The following PAPPA variants were observed in gnomAD, a reference collection of about 807,000 sequenced individuals.
The protein encoded by PAPPA is pappalysin 1.
PAPPA carries 60 observed loss-of-function variants against 164.0 expected under a neutral mutation model. That is an observed-to-expected ratio of 0.37 (90% CI 0.30 to 0.45). The LOEUF (loss-of-function observed/expected upper bound fraction) is 0.45. Ranked by LOEUF, PAPPA falls within the 20% of genes least tolerant of loss-of-function variation. PAPPA has a pLI of 1.00. For synonymous variants in PAPPA, 875 were observed against 814.1 expected, an observed-to-expected ratio of 1.07 and a Z score of -1.27; for missense variants, 1,782 against 2,087.3, an observed-to-expected ratio of 0.85 and a Z score of 2.85.
Position 116,324,513 on chromosome 9 carries a change from GCTTCTCACCTTGGA to G in PAPPA, c.3148-6730_3148-6717del, listed in dbSNP as rs539237391. On this transcript the variant is annotated intron_variant, in intron 10 of 21. Transcript: ENST00000328252. ...ATTTATTTGAGGATAAATAAAACAT[GCTTCTCACCTTGGA>G]AATCTTCAGAGTTTAAAGAGATGAG... 3.8e-3 allele frequency among the ~76,000 whole-genome samples: 576 copies of G among 152,264 alleles called. 18 individuals are homozygous for G. Among genetic ancestry groups the G allele is most frequent in the East Asian group, 2.5e-3 (13 of 5,184 alleles).
intron 21 of PAPPA, among the ~76,000 whole-genome samples, chr9:116,391,149 T>G (rs933485597): frequency 1.3e-5 from 2 of 152,166 alleles, no homozygotes; most frequent in African/African-American, 4.8e-5. Context: ...TTCCACTTTA[T>G]CCTCCATTTA....
intron 9 of PAPPA, among the ~76,000 whole-genome samples, chr9:116,284,479 T>G (rs1324308806): frequency 6.6e-6 from 1 of 150,986 alleles, no homozygotes; most frequent in Non-Finnish European, 1.5e-5. Context: ...TGTTCCATAA[T>G]AGGCACACTT....
At chr9:116,389,047 C>A (rs10817883) in intron 21 of PAPPA, among the ~76,000 whole-genome samples, 2 of 151,480 alleles carry the variant, frequency 1.3e-5, no homozygotes, top group Admixed American at 6.6e-5. Context: ...TGATAACCTA[C>A]ATTGACAAAG....
In PAPPA at chr9:116,220,123, T is replaced by C; in HGVS notation, c.2105T>C (p.Phe702Ser). The change falls in exon 5 of 22, where the codon TTT becomes TCT. Residue 702 changes from phenylalanine (F) to serine (S), a missense_variant. Phe to Ser is a radical substitution (Grantham distance 155, BLOSUM62 -2). Around this residue, in one of 2 missense-constraint regions of PAPPA, gnomAD observed 1,324 missense variants for 1,656.9 expected, o/e 0.80. Coordinates refer to ENST00000328252, the MANE Select transcript of PAPPA (RefSeq NM_002581.5). ...EWFPPIDGHF[F>S]ERELGSACHL... ...TTCCCACCTATAGATGGCCATTTCT[T>C]TGAAAGGTGAGTGTGCCCTGTGTAG... 6.2e-7 allele frequency: 1 copy of C among 1,612,540 alleles called. No homozygotes were observed. The highest frequency in any genetic ancestry group is 1.1e-5 in the South Asian group (1 of 91,058).
chr9:116,334,984 C>T lies in PAPPA; in HGVS notation c.3521C>T (p.Ser1174Leu), dbSNP rs201352674. 1.2e-6 allele frequency: 2 copies of T among 1,613,978 alleles called. No individual in the cohort carries two copies. The highest frequency in any genetic ancestry group is 1.7e-5 in the Admixed American group (1 of 60,022). ...TTCAGTTCGCCCCTGGTCGCCATCT[C>T]GGGGGTGGCCCTCCGTTCCTTCGAC... ...VSFSSPLVAI[S>L]GVALRSFDNF... Residue 1174 changes from serine (S) to leucine (L), a missense_variant, in exon 13 of 22, where the codon TCG becomes TTG. By Grantham distance (145) the Ser-to-Leu change is moderately radical. This residue lies in a region of PAPPA where 1,324 missense variants were observed against 1,656.9 expected (regional missense o/e 0.80). Transcript: ENST00000328252.
intron 9 of PAPPA, among the ~76,000 whole-genome samples, chr9:116,285,171 C>CTTT: frequency 0.029 from 2,632 of 89,434 alleles, 183 homozygotes; most frequent in African/African-American, 0.073. Context: ...TTCTTTCTTT[C>CTTT]TTTTTTTTTT....
chr9:116,321,369 A>C (rs1845854092), intron 10 of PAPPA, among the ~76,000 whole-genome samples: 1 of 152,158 alleles, frequency 6.6e-6, no homozygotes, highest in Non-Finnish European at 1.5e-5. Context: ...CTCTGCTCTT[A>C]ATACTGAAGA....
intron 10 of PAPPA, among the ~76,000 whole-genome samples, chr9:116,312,504 C>T (rs569214824): frequency 1.7e-3 from 254 of 152,138 alleles, no homozygotes; most frequent in Non-Finnish European, 3.3e-3. Flanking sequence ...GAATTTTGTC[C>T]CTAAAACCAC....
intron 13 of PAPPA, among the ~76,000 whole-genome samples, chr9:116,338,592 G>T (rs1333083766): frequency 6.6e-6 from 1 of 152,208 alleles, no homozygotes; most frequent in Admixed American, 6.5e-5. Flanking sequence ...ACCACAGATT[G>T]CTCAGATCGC....
chr9:116,276,166 T>C (rs1587982920), intron 9 of PAPPA, among the ~76,000 whole-genome samples: 1 of 152,170 alleles, frequency 6.6e-6, no homozygotes, highest in East Asian at 1.9e-4. Flanking sequence ...TTCACAGCAT[T>C]GGGAATTCTG....
At chr9:116,390,503 G>C (rs915180945) in intron 21 of PAPPA, among the ~76,000 whole-genome samples, 3 of 152,062 alleles carry the variant, frequency 2.0e-5, no homozygotes, top group African/African-American at 7.2e-5. Context: ...GAGGCCAGTG[G>C]GGGGTATTCA....
rs528189938 is a variant in PAPPA, at chr9:116,372,181, C to T, written c.4605+4427C>T. Among the ~76,000 whole-genome samples the T allele has an allele frequency of 5.9e-5, 9 of 152,032 alleles. No homozygotes were observed. In the South Asian group the frequency reaches 1.2e-3, roughly 21 times the overall value. ...CAAACTCAATAATAGGTGGAAATGC[C>T]CCTCAGGTTCAATGCTAGAGAGAAA... On this transcript the variant is annotated intron_variant, in intron 19 of 21. Transcript: ENST00000328252.
intron 9 of PAPPA, among the ~76,000 whole-genome samples, chr9:116,291,997 A>T (rs1845442329): frequency 2.6e-5 from 4 of 152,222 alleles, no homozygotes; most frequent in Admixed American, 2.6e-4. Flanking sequence ...GTCATGAGAA[A>T]AGCCAAGAAA....
chr9:116,284,530 A>C (rs1845306933), intron 9 of PAPPA, among the ~76,000 whole-genome samples: 1 of 130,272 alleles, frequency 7.7e-6, no homozygotes. Flanking sequence ...CAAAATCTCT[A>C]TCTTTAGTCT....
chr9:116,166,904 T>G (rs1044755638), intron 1 of PAPPA, among the ~76,000 whole-genome samples: 9 of 152,124 alleles, frequency 5.9e-5, no homozygotes. Context: ...TGAATGGTGG[T>G]GCCCCCCAGT....
At chr9:116,232,782 A>G (rs1844614770) in intron 6 of PAPPA, among the ~76,000 whole-genome samples, 1 of 152,246 alleles carries the variant, frequency 6.6e-6, no homozygotes, top group Non-Finnish European at 1.5e-5. Context: ...TCTAATAACC[A>G]GACAACCACA....
chr9:116,248,438 C>T (rs1317517768), intron 7 of PAPPA, among the ~76,000 whole-genome samples: 2 of 152,176 alleles, frequency 1.3e-5, no homozygotes, highest in Non-Finnish European at 2.9e-5. Flanking sequence ...CTCACCTGCA[C>T]TCAGTGCATC....
At chr9:116,165,639 T>G (rs1050810205) in intron 1 of PAPPA, among the ~76,000 whole-genome samples, 10 of 152,256 alleles carry the variant, frequency 6.6e-5, no homozygotes, top group African/African-American at 2.2e-4. Flanking sequence ...CAAATCTGAC[T>G]CTGTCACCTC....
chr9:116,207,550 T>C lies in PAPPA; in HGVS notation c.1573T>C (p.Leu525=). The part of the protein sequence containing the change: ...IFFAKSSEEE[L]AGVATWPWDK... ...CTTTGCAAAATCCTCAGAGGAGGAGTTGGCAGGAGTAGCAACTTGGCCATG... is the reference window on the plus strand; with the variant it reads ...CTTTGCAAAATCCTCAGAGGAGGAGCTGGCAGGAGTAGCAACTTGGCCATG... Residue 525 remains leucine, a synonymous_variant, in exon 3 of 22, where the codon TTG becomes CTG. Transcript: ENST00000328252. The C allele has an allele frequency of 6.2e-7, 1 of 1,613,450 alleles. No homozygotes were observed. The highest frequency in any genetic ancestry group is 8.5e-7 in the Non-Finnish European group (1 of 1,179,660).
Sources: allele counts gnomAD v4.1 joint callset (sites outside exome capture counted in the v4.1 genomes callset), GRCh38; gene constraint gnomAD v4.1.1; regional missense constraint gnomAD v4.1.1; transcripts MANE v1.5; gene names NCBI Gene and HGNC (gene_info 2026-07-23, HGNC 2026-07-21).